Variants in PTPRD observed in about 807,000 individuals in gnomAD.
The protein encoded by PTPRD is protein tyrosine phosphatase receptor type D, also known as receptor-type tyrosine-protein phosphatase delta.
In PTPRD, 34 loss-of-function variants were observed where a neutral mutation model predicts 214.5. The observed-to-expected ratio is 0.16, with a 90% CI of 0.12 to 0.21. The LOEUF (loss-of-function observed/expected upper bound fraction) is 0.21, where lower values mean the gene tolerates loss of function less well. Among genes scored for constraint, PTPRD ranks in the 10% least tolerant of loss-of-function variants. The pLI, the probability that PTPRD is intolerant of heterozygous loss-of-function variation, is 1.00. For missense variants in PTPRD, 2,545 were observed against 2,398.7 expected (o/e 1.06, Z -1.27); for synonymous variants, 1,128 against 845.7 (o/e 1.33, Z -5.79).
chr9:10,154,900 T>C (rs2099083970), intron 3 of PTPRD, among the ~76,000 whole-genome samples: 1 of 152,178 alleles, frequency 6.6e-6, no homozygotes, highest in Non-Finnish European at 1.5e-5. Flanking sequence ...AGCTTTGTTC[T>C]TTTTGCTTAG....
At chr9:10,089,146 G>A (rs895750834) in intron 3 of PTPRD, among the ~76,000 whole-genome samples, 1 of 151,210 alleles carries the variant, frequency 6.6e-6, no homozygotes, top group Non-Finnish European at 1.5e-5. Flanking sequence ...GTTTGAGGTT[G>A]CAGTGAGCTA....
At chr9:8,787,316 T>C (rs1171335978) in intron 11 of PTPRD, among the ~76,000 whole-genome samples, 1 of 152,188 alleles carries the variant, frequency 6.6e-6, no homozygotes, top group African/African-American at 2.4e-5. Context: ...GCAACAGCAA[T>C]ATGGAGTCAA....
intron 2 of PTPRD, among the ~76,000 whole-genome samples, chr9:10,392,140 A>C (rs2098080341): frequency 6.6e-6 from 1 of 151,958 alleles, no homozygotes; most frequent in Non-Finnish European, 1.5e-5. Context: ...AAATTCAATG[A>C]GGCCCAGAAC....
intron 14 of PTPRD, among the ~76,000 whole-genome samples, chr9:8,603,379 G>C (rs2094988786): frequency 6.6e-6 from 1 of 152,190 alleles, no homozygotes; most frequent in African/African-American, 2.4e-5. Flanking sequence ...AACTCTTGGT[G>C]TGAGTAGAAA....
intron 7 of PTPRD, among the ~76,000 whole-genome samples, chr9:9,702,774 G>C (rs552638482): frequency 2.6e-4 from 39 of 152,250 alleles, no homozygotes; most frequent in African/African-American, 7.2e-4. Context: ...AAAGATAATG[G>C]TTATCAATTA....
At chr9:8,471,864 G>C (rs1407298073) in intron 30 of PTPRD, among the ~76,000 whole-genome samples, 2 of 152,144 alleles carry the variant, frequency 1.3e-5, no homozygotes, top group African/African-American at 4.8e-5. Flanking sequence ...CTTCAGTCTA[G>C]TATATACTCT....
In PTPRD at chr9:8,713,895, GAA is replaced by G. The variant is rs149237265; in HGVS notation, c.64+19883_64+19884del. The G allele has an allele frequency of 2.6e-3, 1,813 of 693,694 alleles. 1 individual carries two copies. Among genetic ancestry groups the G allele is most frequent in the South Asian group, 4.8e-3 (243 of 50,844 alleles). 43.0% of individuals were successfully genotyped at this position (693,694 alleles called of 1,614,324 possible). ...AAATAAACTCAGGAACGCCCCGGTG[GAA>G]AAAAAAAAAAATCTTTATCCACTGA... On this transcript the variant is annotated intron_variant, in intron 12 of 45. Transcript: ENST00000381196.
chr9:9,090,171 A>T (rs1259271837), intron 10 of PTPRD, among the ~76,000 whole-genome samples: 1 of 152,086 alleles, frequency 6.6e-6, no homozygotes, highest in Non-Finnish European at 1.5e-5. Context: ...CCTATGTTGT[A>T]TGTTTGTACC....
chr9:8,864,333 G>A (rs931954096), intron 11 of PTPRD, among the ~76,000 whole-genome samples: 2 of 152,072 alleles, frequency 1.3e-5, no homozygotes, highest in Non-Finnish European at 1.5e-5. Context: ...CTCAAGACTC[G>A]GACATGCTTC....
At chr9:8,594,551 G>C (rs549154767) in intron 14 of PTPRD, among the ~76,000 whole-genome samples, 1 of 152,214 alleles carries the variant, frequency 6.6e-6, no homozygotes, top group African/African-American at 2.4e-5. Flanking sequence ...CACATGTCGA[G>C]GGAGGGACCT....
intron 3 of PTPRD, among the ~76,000 whole-genome samples, chr9:10,253,778 GCAATAGGCAAACT>G (rs1292745208): frequency 6.6e-6 from 1 of 152,076 alleles, no homozygotes. Context: ...TATGTATATT[GCAATAGGCAAACT>G]CTAATTTTCA....
At chr9:9,491,035 A>G (rs548875200) in intron 8 of PTPRD, among the ~76,000 whole-genome samples, 4 of 151,940 alleles carry the variant, frequency 2.6e-5, no homozygotes, top group Admixed American at 6.6e-5. Flanking sequence ...TGATCTAATT[A>G]TACACTGTAT....
At chr9:8,710,070 T>C (rs535091244) in intron 12 of PTPRD, among the ~76,000 whole-genome samples, 178 of 152,334 alleles carry the variant, frequency 1.2e-3, no homozygotes, top group African/African-American at 4.1e-3. Context: ...AAACACATGA[T>C]TGTTATTAAA....
chr9:9,001,303 C>T (rs2099417315), intron 11 of PTPRD, among the ~76,000 whole-genome samples: 1 of 152,014 alleles, frequency 6.6e-6, no homozygotes, highest in Non-Finnish European at 1.5e-5. Flanking sequence ...TTTGAGCTAT[C>T]TGTGCATTTG....
intron 12 of PTPRD, among the ~76,000 whole-genome samples, chr9:8,728,613 G>A (rs2154430209): frequency 6.6e-6 from 1 of 152,268 alleles, no homozygotes; most frequent in South Asian, 2.1e-4. Flanking sequence ...ACTTTTTTGG[G>A]AAGATCTCGC....
At chr9:10,405,874 AT>A (rs2098346890) in intron 2 of PTPRD, among the ~76,000 whole-genome samples, 1 of 151,550 alleles carries the variant, frequency 6.6e-6, no homozygotes, top group Non-Finnish European at 1.5e-5. Context: ...GGAATACATA[AT>A]ATAAAAAAAG....
At chr9:8,793,305 G>T (rs940043778) in intron 11 of PTPRD, among the ~76,000 whole-genome samples, 3 of 152,148 alleles carry the variant, frequency 2.0e-5, no homozygotes, top group African/African-American at 7.2e-5. Flanking sequence ...GTCCAACGGT[G>T]GAACTCAACT....
At chr9:9,502,327 T>A (rs183589934) in intron 8 of PTPRD, among the ~76,000 whole-genome samples, 1 of 151,860 alleles carries the variant, frequency 6.6e-6, no homozygotes, top group African/African-American at 2.4e-5. Context: ...TGCTGTGATG[T>A]TGATTGTTTT....
chr9:10,480,068 G>C (rs2099088125), intron 2 of PTPRD, among the ~76,000 whole-genome samples: 1 of 152,034 alleles, frequency 6.6e-6, no homozygotes, highest in Non-Finnish European at 1.5e-5. Flanking sequence ...CAATAAATAG[G>C]TCTCATAAGC....
Sources: gnomAD v4.1 joint callset for allele counts (sites outside exome capture counted in the v4.1 genomes callset) on GRCh38, gnomAD v4.1.1 for gene constraint, MANE v1.5 for transcripts, NCBI Gene and HGNC (gene_info 2026-07-23, HGNC 2026-07-21) for gene names.